DGAT2: variants seen among roughly 807,000 people sequenced by gnomAD.
DGAT2 encodes the protein acyl-CoA retinol O-fatty-acyltransferase.
DGAT2 carries 33 observed loss-of-function variants against 48.4 expected under a neutral mutation model. The observed-to-expected ratio is 0.68, with a 90% CI of 0.52 to 0.91. DGAT2 has a LOEUF of 0.91. DGAT2 is among the 40% of genes least tolerant of loss of function. The probability of loss-of-function intolerance (pLI) is 0.00; values close to 1 mark genes in which losing one functional copy is unlikely to be tolerated. For synonymous variants in DGAT2, 191 were observed against 194.1 expected, an observed-to-expected ratio of 0.98 and a Z score of 0.13; for missense variants, 446 against 493.7, an observed-to-expected ratio of 0.90 and a Z score of 0.92.
In DGAT2 at chr11:75,768,828, AC is replaced by A. The variant is rs1221525395; in HGVS notation, c.-163del. The A allele has an allele frequency of 2.2e-6, 2 of 910,134 alleles. No homozygotes were observed. The highest frequency in any genetic ancestry group is 3.0e-6 in the Non-Finnish European group (2 of 669,932). 56.4% of individuals were successfully genotyped at this position (910,134 alleles called of 1,614,324 possible). A position where few individuals can be genotyped will look rare whatever the true frequency, so the allele number is the denominator to read the frequency against. On this transcript the variant is annotated 5_prime_UTR_variant, in exon 1 of 8. In the 5' UTR this introduces an upstream ATG that the reference lacks. Coordinates refer to ENST00000228027, the MANE Select transcript of DGAT2 (RefSeq NM_032564.5). ...TCTAGGCTGTTTCTCTCGCGCCACC[AC>A]TGGCCGCCGGCCGCAGCTCCAGGTG...
intron 6 of DGAT2, 23 bp downstream of exon 6, chr11:75,797,355 A>G (rs377007612): frequency 3.5e-6 from 5 of 1,438,226 alleles, no homozygotes; most frequent in Middle Eastern, 2.2e-4. Flanking sequence ...CTACACACAC[A>G]CACACCCCTC....
At chr11:75,789,587 G>T (rs562967784) in intron 2 of DGAT2, among the ~76,000 whole-genome samples, 1 of 152,312 alleles carries the variant, frequency 6.6e-6, no homozygotes, top group South Asian at 2.1e-4. Context: ...GTGATGGTCT[G>T]GGACTTTGGT....
intron 1 of DGAT2, among the ~76,000 whole-genome samples, chr11:75,781,544 C>CT (rs1366553677): frequency 6.6e-6 from 1 of 152,262 alleles, no homozygotes; most frequent in Non-Finnish European, 1.5e-5. Context: ...CCTCCCAACT[C>CT]TAACGCCCAC....
chr11:75,769,164 G>A, intron 1 of DGAT2, 52 bp downstream of exon 1: 1 of 1,509,754 alleles, frequency 6.6e-7, no homozygotes, highest in Non-Finnish European at 8.8e-7. Flanking sequence ...TTTCTGGAAA[G>A]GGCCCTGTGG....
intron 1 of DGAT2, among the ~76,000 whole-genome samples, chr11:75,775,035 A>T (rs1944791511): frequency 6.6e-6 from 1 of 152,162 alleles, no homozygotes; most frequent in Admixed American, 6.5e-5. Context: ...GTTCTACTTG[A>T]TGAAAACGGA....
At chr11:75,774,660 C>A (rs1944788154) in intron 1 of DGAT2, among the ~76,000 whole-genome samples, 1 of 152,178 alleles carries the variant, frequency 6.6e-6, no homozygotes, top group African/African-American at 2.4e-5. Flanking sequence ...TGAGGTCAGC[C>A]ACCTCCTCAT....
chr11:75,777,965 A>T (rs1458213823), intron 1 of DGAT2, among the ~76,000 whole-genome samples: 3 of 152,128 alleles, frequency 2.0e-5, no homozygotes, highest in Non-Finnish European at 4.4e-5. Flanking sequence ...TCCTAACTTA[A>T]CTTTAGCCAG....
chr11:75,787,052 A>G (rs991968244), intron 2 of DGAT2, among the ~76,000 whole-genome samples: 3 of 151,690 alleles, frequency 2.0e-5, no homozygotes, highest in Non-Finnish European at 2.9e-5. Flanking sequence ...TTAAGTAGTG[A>G]TGAGAAGAAA....
chr11:75,776,866 C>G (rs538497675), intron 1 of DGAT2: 3 of 152,254 alleles, frequency 2.0e-5, no homozygotes, highest in African/African-American at 7.2e-5. Flanking sequence ...TGGCACTTGG[C>G]CTGACTTCCT....
rs1944726720 is a variant in DGAT2 at position 75,768,887 on chromosome 11, A to C, written c.-105A>C. ...CGCCCAGCCTCGACGCCGTCCCGGG[A>C]CCCCTGTGCTCTGCGCGAAGCCCTG... On this transcript the variant is annotated 5_prime_UTR_variant, in exon 1 of 8. Transcript: ENST00000228027. 7.7e-7 allele frequency: 1 copy of C among 1,290,922 alleles called. No homozygotes were observed. 80.0% of individuals were successfully genotyped at this position (1,290,922 alleles called of 1,614,324 possible).
chr11:75,794,935 C>CGTT (rs1400527145), intron 4 of DGAT2: 1 of 1,412 alleles, frequency 7.1e-4, no homozygotes, highest in Admixed American at 0.017. Flanking sequence ...CCCTCCCCTC[C>CGTT]CCTCCCCCTC....
At chr11:75,799,577 A>AC (rs1323487805) in intron 7 of DGAT2, among the ~76,000 whole-genome samples, 2 of 150,028 alleles carry the variant, frequency 1.3e-5, no homozygotes, top group African/African-American at 2.5e-5. Context: ...ATGCTGGTCT[A>AC]CTCCCTCCTC....
chr11:75,770,525 G>T (rs1944747547), intron 1 of DGAT2, among the ~76,000 whole-genome samples: 1 of 152,126 alleles, frequency 6.6e-6, no homozygotes, highest in Non-Finnish European at 1.5e-5. Context: ...TGGATGAATG[G>T]ACTTGCCCTT....
rs1944784563 is a variant in DGAT2, at chr11:75,774,248, C to G, written c.121+5136C>G. Among the ~76,000 whole-genome samples, 5 of 152,220 alleles carry G rather than the reference C, an allele frequency of 3.3e-5. No individual in the cohort carries two copies. In the South Asian group the frequency reaches 1.0e-3, roughly 31 times the overall value. On this transcript the variant is annotated intron_variant, in intron 1 of 7. Transcript: ENST00000228027. ...CAGGGCCCAGGGGTAGGAGTCAGGC[C>G]TGGGCTCTGTCCAGCTCCTGCTTGG...
At chr11:75,778,704 G>A (rs533161835) in intron 1 of DGAT2, among the ~76,000 whole-genome samples, 61 of 151,644 alleles carry the variant, frequency 4.0e-4, no homozygotes, top group African/African-American at 1.5e-3. Context: ...CGTTGTGGCG[G>A]GTGCCTGTAG....
At chr11:75,784,862 G>A in intron 2 of DGAT2, 116 bp downstream of exon 2, 1 of 1,411,714 alleles carries the variant, frequency 7.1e-7, no homozygotes, top group South Asian at 1.3e-5. Flanking sequence ...TCTTACACAT[G>A]CTGCCCCACA....
In DGAT2 at chr11:75,797,299, G is replaced by C; in HGVS notation, c.776G>C (p.Arg259Pro). Residue 259 changes from arginine to proline, a missense_variant, in exon 6 of 8, where the codon CGC becomes CCC. Physicochemically the swap from Arg to Pro is moderately radical, Grantham distance 103 (BLOSUM62 -2). Coordinates refer to ENST00000228027, the MANE Select transcript of DGAT2 (RefSeq NM_032564.5). ...AAGAATGCAGTCACCCTGCGGAACC[G>C]CAAGGGCTTTGTGAAACTGGCCCTG... ...PGKNAVTLRNRKGFVKLALRH... is the reference protein window; with the variant it reads ...PGKNAVTLRNPKGFVKLALRH... 6.5e-7 allele frequency: 1 copy of C among 1,545,210 alleles called. No individual in the cohort carries two copies. The highest frequency in any genetic ancestry group is 8.7e-7 in the Non-Finnish European group (1 of 1,144,708).
intron 1 of DGAT2, among the ~76,000 whole-genome samples, chr11:75,770,930 C>T (rs1238204805): frequency 6.6e-6 from 1 of 152,024 alleles, no homozygotes; most frequent in Non-Finnish European, 1.5e-5. Context: ...TAGGGGAGGG[C>T]ACTGAAGCAC....
intron 1 of DGAT2, among the ~76,000 whole-genome samples, chr11:75,783,960 T>TC: frequency 6.6e-6 from 1 of 152,230 alleles, no homozygotes; most frequent in South Asian, 2.1e-4. Flanking sequence ...AAGCAAAGGC[T>TC]CCCACCTTAC....
Sources: gnomAD v4.1 joint callset for allele counts (sites outside exome capture counted in the v4.1 genomes callset) on GRCh38, gnomAD v4.1.1 for gene constraint, MANE v1.5 for transcripts, NCBI Gene and HGNC (gene_info 2026-07-23, HGNC 2026-07-21) for gene names.